ARIH2: variants seen among roughly 807,000 people sequenced by gnomAD.
The protein encoded by ARIH2 is ariadne RBR E3 ubiquitin protein ligase 2.
In ARIH2, 12 loss-of-function variants were observed where a neutral mutation model predicts 79.8. The ratio of observed to expected loss-of-function variants is 0.15; its 90% CI spans 0.10 to 0.24. The LOEUF (loss-of-function observed/expected upper bound fraction) is 0.24, where lower values mean the gene tolerates loss of function less well. ARIH2 is among the 10% of genes least tolerant of loss of function. The pLI, the probability that ARIH2 is intolerant of heterozygous loss-of-function variation, is 1.00. For missense variants in ARIH2, 301 were observed against 618.3 expected, an observed-to-expected ratio of 0.49 and a Z score of 5.44; for synonymous variants, 224 against 213.9, an observed-to-expected ratio of 1.05 and a Z score of -0.41.
chr3:48,982,677 C>T, intron 14 of ARIH2: 1 of 531,942 alleles, frequency 1.9e-6, no homozygotes, highest in Non-Finnish European at 3.4e-6. Context: ...TGGAGTGGAC[C>T]TTTTGAGGGT....
chr3:48,967,399 A>G, intron 6 of ARIH2, 124 bp downstream of exon 6: 1 of 1,095,984 alleles, frequency 9.1e-7, no homozygotes, highest in Non-Finnish European at 1.3e-6. Flanking sequence ...TATCATCAGA[A>G]CTAGTGATTT....
At chr3:48,959,538 C>T (rs956828077) in intron 3 of ARIH2, among the ~76,000 whole-genome samples, 25 of 146,986 alleles carry the variant, frequency 1.7e-4, no homozygotes, top group Non-Finnish European at 3.6e-4. Flanking sequence ...CAAGAAAATA[C>T]TGTGGCTGGC....
chr3:48,976,388 C>G (rs1204233934), intron 11 of ARIH2, among the ~76,000 whole-genome samples: 1 of 151,522 alleles, frequency 6.6e-6, no homozygotes, highest in Non-Finnish European at 1.5e-5. Context: ...TTTTTATATT[C>G]TTAGTATAGA....
intron 7 of ARIH2, 123 bp downstream of exon 7, chr3:48,968,778 C>A: frequency 7.3e-7 from 1 of 1,361,290 alleles, no homozygotes; most frequent in Non-Finnish European, 9.9e-7. Flanking sequence ...GAAAGCGCTC[C>A]ATGGCTTTAA....
intron 5 of ARIH2, 74 bp downstream of exon 5, chr3:48,965,056 G>A: frequency 6.9e-7 from 1 of 1,439,478 alleles, no homozygotes. Flanking sequence ...GTGTCCTTAA[G>A]AGCTATCTTT....
At chr3:48,941,677 C>T (rs1262860962) in intron 3 of ARIH2, among the ~76,000 whole-genome samples, 1 of 150,126 alleles carries the variant, frequency 6.7e-6, no homozygotes, top group Admixed American at 6.6e-5. Context: ...ACTGCAAGCT[C>T]CACCTCCCGG....
intron 1 of ARIH2, 54 bp downstream of exon 1, chr3:48,919,052 G>A (rs1304750270): frequency 3.8e-5 from 51 of 1,326,934 alleles, no homozygotes; most frequent in Non-Finnish European, 4.4e-5. Context: ...CCGCTGGGGG[G>A]GCCTCTCCGC....
At chr3:48,934,815 A>G in intron 3 of ARIH2, 5 of 985,434 alleles carry the variant, frequency 5.1e-6, no homozygotes, top group South Asian at 9.4e-5. Context: ...ACCTGATACC[A>G]TACAAAACAT....
chr3:48,964,228 A>T (rs545755901), intron 4 of ARIH2, among the ~76,000 whole-genome samples: 2 of 151,956 alleles, frequency 1.3e-5, no homozygotes, highest in East Asian at 3.9e-4. Flanking sequence ...GTTGGTCTCA[A>T]ACTCCTGACC....
intron 3 of ARIH2, among the ~76,000 whole-genome samples, chr3:48,930,659 G>A (rs1031516805): frequency 1.3e-5 from 2 of 152,046 alleles, no homozygotes; most frequent in Admixed American, 6.6e-5. Context: ...GGATGAGAGG[G>A]AATAATTTAA....
chr3:48,975,607 C>T (rs543729015), intron 11 of ARIH2, among the ~76,000 whole-genome samples: 84 of 152,104 alleles, frequency 5.5e-4, no homozygotes, highest in African/African-American at 2.0e-3. Flanking sequence ...CTCTGTCACC[C>T]AGGCTGGAGT....
At chr3:48,974,757 A>G (rs1173096301) in intron 9 of ARIH2, 60 bp from the exon 10 acceptor site, 3 of 1,583,002 alleles carry the variant, frequency 1.9e-6, no homozygotes, top group Non-Finnish European at 1.7e-6. Context: ...GCTTTGTGTA[A>G]TTTGTCTTAA....
At chr3:48,956,686 G>C (rs112292811) in intron 3 of ARIH2, among the ~76,000 whole-genome samples, 2 of 150,058 alleles carry the variant, frequency 1.3e-5, no homozygotes, top group Non-Finnish European at 3.0e-5. Flanking sequence ...GTGTGTGTGT[G>C]TGTGTGTGTG....
At chr3:48,974,558 G>A (rs1362558314) in intron 9 of ARIH2, 1 of 551,688 alleles carries the variant, frequency 1.8e-6, no homozygotes, top group Non-Finnish European at 3.3e-6. Flanking sequence ...AATCTGAGTA[G>A]CTTCATGGCA....
At chr3:48,979,979 A>G (rs1280444438) in intron 12 of ARIH2, 1 of 243,140 alleles carries the variant, frequency 4.1e-6, no homozygotes, top group Non-Finnish European at 7.8e-6. Flanking sequence ...TGTCCTCACA[A>G]TCTGTTCCCA....
intron 3 of ARIH2, among the ~76,000 whole-genome samples, chr3:48,950,845 A>G (rs1459735910): frequency 1.3e-5 from 2 of 151,838 alleles, no homozygotes; most frequent in African/African-American, 4.8e-5. Flanking sequence ...AAATTCACCC[A>G]CTTAATTTTT....
At chr3:48,938,351 C>T (rs2087479805) in intron 3 of ARIH2, among the ~76,000 whole-genome samples, 1 of 152,052 alleles carries the variant, frequency 6.6e-6, no homozygotes, top group Non-Finnish European at 1.5e-5. Flanking sequence ...TTTGCAATGG[C>T]CAAAAACTGG....
intron 3 of ARIH2, among the ~76,000 whole-genome samples, chr3:48,947,989 C>A (rs1402760564): frequency 6.6e-6 from 1 of 151,964 alleles, no homozygotes; most frequent in African/African-American, 2.4e-5. Context: ...TTGAGACAGT[C>A]TTGCTCTGTC....
chr3:48,919,780 TG>T (rs1559691262), intron 1 of ARIH2, among the ~76,000 whole-genome samples: 1 of 152,200 alleles, frequency 6.6e-6, no homozygotes, highest in East Asian at 1.9e-4. Flanking sequence ...ACGAAATTGC[TG>T]ATTTCTAGTT....
Sources: allele counts gnomAD v4.1 joint callset (sites outside exome capture counted in the v4.1 genomes callset), GRCh38; gene constraint gnomAD v4.1.1; transcripts MANE v1.5; gene names NCBI Gene and HGNC (gene_info 2026-07-23, HGNC 2026-07-21).